The following SLC24A2 variants were observed in gnomAD, a reference collection of about 807,000 sequenced individuals.
SLC24A2 encodes sodium/potassium/calcium exchanger 2.
A neutral mutation model predicts 62.0 loss-of-function variants in SLC24A2; 36 were observed. That is an observed-to-expected ratio of 0.58 (90% CI 0.44 to 0.77). The LOEUF (loss-of-function observed/expected upper bound fraction) is 0.77. Ranked by LOEUF, SLC24A2 falls within the 30% of genes least tolerant of loss-of-function variation. SLC24A2 has a pLI of 0.00. For missense variants in SLC24A2, 846 were observed against 817.9 expected (o/e 1.03, Z -0.42); for synonymous variants, 358 against 294.0 (o/e 1.22, Z -2.23).
chr9:19,741,092 T>A (rs536030569), intron 2 of SLC24A2, among the ~76,000 whole-genome samples: 98 of 152,314 alleles, frequency 6.4e-4, no homozygotes, highest in Non-Finnish European at 1.2e-3. Flanking sequence ...TGTCTCACCC[T>A]TCCTGGGCAC....
chr9:19,703,167 T>C (rs1461955011), intron 2 of SLC24A2, among the ~76,000 whole-genome samples: 1 of 152,150 alleles, frequency 6.6e-6, no homozygotes, highest in Non-Finnish European at 1.5e-5. Flanking sequence ...ATTGAGACTT[T>C]TGGTGAATTA....
At chr9:19,871,064 T>G in the SLC24A2 span, among the ~76,000 whole-genome samples, 3 of 152,084 alleles carry the variant, frequency 2.0e-5, no homozygotes, top group Non-Finnish European at 4.4e-5. Flanking sequence ...AAGAAACTAA[T>G]CCAAGGTCAG....
chr9:20,080,803 A>C, the SLC24A2 span, among the ~76,000 whole-genome samples: 2 of 152,154 alleles, frequency 1.3e-5, no homozygotes. Flanking sequence ...CAACCCCATC[A>C]AAAAGTGGGC....
chr9:20,076,859 A>ATG, the SLC24A2 span, among the ~76,000 whole-genome samples: 14 of 27,562 alleles, frequency 5.1e-4, no homozygotes, highest in South Asian at 1.3e-3. Flanking sequence ...TACATATCAT[A>ATG]TGTATATATA....
chr9:19,884,854 G>A, the SLC24A2 span, among the ~76,000 whole-genome samples: 2 of 152,202 alleles, frequency 1.3e-5, no homozygotes, highest in African/African-American at 4.8e-5. Context: ...AGGTAGGTTA[G>A]ACTAAGCTAT....
chr9:20,114,641 T>G, the SLC24A2 span, among the ~76,000 whole-genome samples: 2 of 152,280 alleles, frequency 1.3e-5, no homozygotes, highest in Admixed American at 1.3e-4. Context: ...ATTCATTTAT[T>G]CATTCATTCA....
intron 2 of SLC24A2, among the ~76,000 whole-genome samples, chr9:19,691,176 T>C (rs1293599506): frequency 6.6e-6 from 1 of 152,068 alleles, no homozygotes; most frequent in African/African-American, 2.4e-5. Context: ...CTCACAAATA[T>C]AGGATGCACC....
chr9:20,112,828 C>A, the SLC24A2 span, among the ~76,000 whole-genome samples: 1 of 151,898 alleles, frequency 6.6e-6, no homozygotes, highest in Admixed American at 6.6e-5. Flanking sequence ...CCAGCCACCC[C>A]CCACCTCCCC....
chr9:19,621,638 C>A (rs541893010), intron 3 of SLC24A2, among the ~76,000 whole-genome samples: 2 of 152,238 alleles, frequency 1.3e-5, no homozygotes, highest in African/African-American at 4.8e-5. Context: ...GGTGCAAAAT[C>A]TGAAATGTGA....
the SLC24A2 span, among the ~76,000 whole-genome samples, chr9:20,031,919 A>C: frequency 3.0e-3 from 460 of 152,294 alleles, 3 homozygotes; most frequent in African/African-American, 0.01. Flanking sequence ...TAATTGTGTA[A>C]ATACTCCCAT....
At chr9:20,240,385 G>T in the SLC24A2 span, among the ~76,000 whole-genome samples, 1 of 152,096 alleles carries the variant, frequency 6.6e-6, no homozygotes, top group Admixed American at 6.6e-5. Flanking sequence ...CTGAGTGTTG[G>T]AGGAAATATA....
At chr9:19,891,110 A>C in the SLC24A2 span, among the ~76,000 whole-genome samples, 12 of 152,250 alleles carry the variant, frequency 7.9e-5, no homozygotes, top group Non-Finnish European at 1.6e-4. Flanking sequence ...CTCTCCTTCC[A>C]AAATATGTGC....
chr9:19,727,137 C>T (rs187748434), intron 2 of SLC24A2, among the ~76,000 whole-genome samples: 81 of 152,242 alleles, frequency 5.3e-4, no homozygotes, highest in African/African-American at 1.8e-3. Context: ...TCTGTGGGCT[C>T]TACCATTCCT....
At chr9:19,913,658 T>C in the SLC24A2 span, among the ~76,000 whole-genome samples, 2 of 152,260 alleles carry the variant, frequency 1.3e-5, no homozygotes, top group Admixed American at 6.5e-5. Context: ...GCTTTCATTG[T>C]ATTTCATGAG....
Position 19,574,011 on chromosome 9 carries a change from T to C in SLC24A2, c.1229-542A>G, listed in dbSNP as rs79022709. 2.1e-3 allele frequency among the ~76,000 whole-genome samples: 316 copies of C among 152,330 alleles called. 1 individual carries two copies. Among genetic ancestry groups the C allele is most frequent in the African/African-American group, 7.1e-3 (296 of 41,578 alleles). ...GGCTTCAGGGTCCTAGACTTTACCC[T>C]GCTTTGATCGGGTTGCTATCTTAGG... is the stretch of plus-strand genomic sequence containing the variant. On this transcript the variant is annotated intron_variant, in intron 6 of 10. Transcript: ENST00000341998.
intron 5 of SLC24A2, among the ~76,000 whole-genome samples, chr9:19,582,103 G>T (rs913234340): frequency 2.0e-5 from 3 of 152,182 alleles, no homozygotes; most frequent in African/African-American, 7.2e-5. Context: ...CCTCAGAGGA[G>T]TGTATGTTGA....
At chr9:19,738,889 C>T (rs1473660174) in intron 2 of SLC24A2, among the ~76,000 whole-genome samples, 2 of 152,138 alleles carry the variant, frequency 1.3e-5, no homozygotes, top group African/African-American at 2.4e-5. Context: ...GAGGCTGAGG[C>T]GGGCAGATCA....
the SLC24A2 span, among the ~76,000 whole-genome samples, chr9:19,818,446 C>G: frequency 1.3e-5 from 2 of 152,036 alleles, no homozygotes; most frequent in African/African-American, 4.8e-5. Context: ...TCGTTTACCC[C>G]GAAAACCCTA....
chr9:20,055,500 T>C, the SLC24A2 span, among the ~76,000 whole-genome samples: 6 of 152,184 alleles, frequency 3.9e-5, no homozygotes, highest in Non-Finnish European at 5.9e-5. Context: ...GTAGCTATTA[T>C]CTGTAACTTT....
Sources: allele counts gnomAD v4.1 joint callset (sites outside exome capture counted in the v4.1 genomes callset), GRCh38; gene constraint gnomAD v4.1.1; transcripts MANE v1.5; gene names NCBI Gene and HGNC (gene_info 2026-07-23, HGNC 2026-07-21).